The following ALDH3A1 variants were observed in gnomAD, a reference collection of about 807,000 sequenced individuals.
ALDH3A1 encodes the protein aldehyde dehydrogenase, dimeric NADP-preferring.
A neutral mutation model predicts 49.9 loss-of-function variants in ALDH3A1; 46 were observed. The observed-to-expected ratio is 0.92, with a 90% confidence interval of 0.73 to 1.18. The LOEUF is 1.18. Ranked by LOEUF, ALDH3A1 falls within the 50% of genes most tolerant of loss-of-function variation. ALDH3A1 has a pLI of 0.00. For missense variants in ALDH3A1, 592 were observed against 611.8 expected, an observed-to-expected ratio of 0.97 and a Z score of 0.34; for synonymous variants, 269 against 253.3, an observed-to-expected ratio of 1.06 and a Z score of -0.59.
intron 1 of ALDH3A1, 66 bp from the exon 2 acceptor site, chr17:19,745,200 G>T: frequency 3.4e-6 from 5 of 1,462,524 alleles, no homozygotes; most frequent in Non-Finnish European, 1.8e-6. Context: ...CACCCTGCCT[G>T]AATTCTATAG....
At position 19,743,875 on chromosome 17, in the gene ALDH3A1, G is replaced by A; in HGVS notation, c.163-412C>T. 2.0e-6 allele frequency: 2 copies of A among 985,064 alleles called. No homozygotes were observed. The highest frequency in any genetic ancestry group is 2.4e-6 in the Non-Finnish European group (2 of 829,820). 61.0% of individuals were successfully genotyped at this position (985,064 alleles called of 1,614,324 possible). ...GGAGCTGGATCCGGGCAGGGTGGAG[G>A]GAGCCAGGCCCTTTAGTTGTCTGGA... is the stretch of plus-strand genomic sequence containing the variant. On this transcript the variant is annotated intron_variant, in intron 2 of 10. Coordinates refer to ENST00000225740, the MANE Select transcript of ALDH3A1 (RefSeq NM_000691.5). The surrounding 1 kb of genome is among the most constrained non-coding windows in gnomAD (Gnocchi z 4.4).
rs777811199 is a variant in ALDH3A1 at position 19,743,145 on chromosome 17, T to C, written c.394+87A>G. Reference sequence around the variant, plus strand: ...GCAAACCCTTATCTGACCCCAGGACTCTTAACACAGGCCTGAGCCCATCCT... The same window carrying C: ...GCAAACCCTTATCTGACCCCAGGACCCTTAACACAGGCCTGAGCCCATCCT... On this transcript the variant is annotated intron_variant, in intron 3 of 10. Transcript: ENST00000225740. The surrounding 1 kb of genome is among the most constrained non-coding windows in gnomAD (Gnocchi z 4.4). 1.6e-5 allele frequency: 25 copies of C among 1,569,556 alleles called. No homozygotes were observed. In the African/African-American group the frequency reaches 2.8e-4, roughly 18 times the overall value.
In ALDH3A1 at chr17:19,743,260, G is replaced by T; in HGVS notation, c.366C>A (p.Ile122=). The change falls in exon 3 of 11, where the codon ATC becomes ATA. Residue 122 remains isoleucine, a synonymous_variant. Coordinates refer to ENST00000225740, the MANE Select transcript of ALDH3A1 (RefSeq NM_000691.5). This position sits in a 1 kb window ranked among gnomAD's most constrained non-coding sequence, Gnocchi z 4.4. ...GTWNYPFNLT[I]QPMVGAIAAG... ...CAGCGATGGCGCCCACCATGGGCTG[G>T]ATGGTGAGGTTGAAGGGGTAGTTCC... is the stretch of plus-strand genomic sequence containing the variant. 6.2e-7 allele frequency: 1 copy of T among 1,613,978 alleles called. No individual in the cohort carries two copies. The highest frequency in any genetic ancestry group is 1.3e-5 in the African/African-American group (1 of 75,058).
intron 2 of ALDH3A1, chr17:19,744,528 G>A (rs2086561994): frequency 2.0e-6 from 2 of 985,360 alleles, no homozygotes; most frequent in South Asian, 9.4e-5. Flanking sequence ...TGCGAATGCA[G>A]AGGTGTCTGG....
At chr17:19,746,632 T>C (rs575714241) in intron 1 of ALDH3A1, among the ~76,000 whole-genome samples, 174 of 143,734 alleles carry the variant, frequency 1.2e-3, no homozygotes, top group African/African-American at 4.6e-3. Flanking sequence ...TGCGTGTGTG[T>C]GTGTGCGTGT....
chr17:19,743,919 G>C lies in ALDH3A1; in HGVS notation c.163-456C>G. 1.0e-6 allele frequency: 1 copy of C among 985,298 alleles called. No individual in the cohort carries two copies. Among genetic ancestry groups the C allele is most frequent in the African/African-American group, 1.7e-5 (1 of 57,302 alleles). 61.0% of individuals were successfully genotyped at this position (985,298 alleles called of 1,614,324 possible). On this transcript the variant is annotated intron_variant, in intron 2 of 10. Transcript: ENST00000225740. This position sits in a 1 kb window ranked among gnomAD's most constrained non-coding sequence, Gnocchi z 4.4. Reference sequence around the variant, plus strand: ...GTCTGGAGGGGGATGCAGGACCAAGGGCTGCTGGGCGCTCAGGGCCTCCTG... The same window carrying C: ...GTCTGGAGGGGGATGCAGGACCAAGCGCTGCTGGGCGCTCAGGGCCTCCTG...
intron 1 of ALDH3A1, chr17:19,745,361 G>A (rs570805569): frequency 3.9e-6 from 2 of 509,158 alleles, no homozygotes; most frequent in East Asian, 3.5e-5. Flanking sequence ...GCCGCAACCC[G>A]AGTCCTAAGC....
intron 1 of ALDH3A1, among the ~76,000 whole-genome samples, chr17:19,746,677 GCA>G (rs1341553131): frequency 2.7e-4 from 40 of 147,098 alleles, no homozygotes; most frequent in African/African-American, 1.0e-3. Context: ...GCGTGTGTGT[GCA>G]TGTGCGTGTG....
intron 8 of ALDH3A1, 69 bp from the exon 9 acceptor site, chr17:19,739,164 T>A: frequency 7.2e-7 from 1 of 1,383,972 alleles, no homozygotes; most frequent in Non-Finnish European, 1.0e-6. Context: ...AACCCGACCC[T>A]GCCTGGGTAT....
intron 5 of ALDH3A1, 48 bp downstream of exon 5, chr17:19,741,956 G>A (rs2086499696): frequency 1.3e-6 from 2 of 1,576,770 alleles, no homozygotes; most frequent in Non-Finnish European, 1.7e-6. Flanking sequence ...ATGTGTGCTT[G>A]GAAAGCAGAG....
Position 19,738,943 on chromosome 17 carries a change from T to C in ALDH3A1, c.1216+53A>G, listed in dbSNP as rs951255101. On this transcript the variant is annotated intron_variant, in intron 9 of 10. Transcript: ENST00000225740. ...GTCCCTCCTGAATTTGCTGGGTGAG[T>C]GTGCCCAGCCCTGGGGCCCAGAGGG... is the stretch of plus-strand genomic sequence containing the variant. The C allele has an allele frequency of 5.3e-6, 8 of 1,512,008 alleles. No individual in the cohort carries two copies. The African/African-American group carries it at 1.1e-4, about 21-fold the overall frequency. 93.7% of individuals were successfully genotyped at this position (1,512,008 alleles called of 1,614,324 possible). A position where few individuals can be genotyped will look rare whatever the true frequency, so the allele number is the denominator to read the frequency against.
chr17:19,738,227 C>G lies in ALDH3A1; in HGVS notation c.1356G>C (p.Gln452His). The change falls in exon 11 of 11, where the codon CAG becomes CAC. Residue 452 changes from glutamine to histidine, a missense_variant. Coordinates refer to ENST00000225740, the MANE Select transcript of ALDH3A1 (RefSeq NM_000691.5). ...CAGGCGGAGCAACCCCTCCTCAGTG[C>G]TGGGTCATCTGTGAAAGGGACACGG... ...RYPPSPAKMT[Q>H]H The G allele has an allele frequency of 6.2e-7, 1 of 1,614,048 alleles. No individual in the cohort carries two copies. The highest frequency in any genetic ancestry group is 8.5e-7 in the Non-Finnish European group (1 of 1,180,018).
chr17:19,739,171 G>T (rs1425144795), intron 8 of ALDH3A1, 76 bp from the exon 9 acceptor site: 6 of 1,333,078 alleles, frequency 4.5e-6, no homozygotes, highest in Non-Finnish European at 1.0e-6. Context: ...CCCTGCCTGG[G>T]TATAGCCTGG....
In ALDH3A1 at chr17:19,745,001, C is replaced by T; in HGVS notation, c.129G>A (p.Glu43=). ...GGTCTGCGGCCAGCGCGCCCACCAG[C>T]TCCTGCTCCTGCTCCTGGATCAGGC... ...LQRLIQEQEQ[E]LVGALAADLH... is the part of the protein sequence containing the mutation. The change falls in exon 2 of 11, where the codon GAG becomes GAA. Residue 43 remains glutamate (E), a synonymous_variant. Transcript: ENST00000225740. The T allele has an allele frequency of 6.3e-7, 1 of 1,589,574 alleles. No individual in the cohort carries two copies. Among genetic ancestry groups the T allele is most frequent in the East Asian group, 2.3e-5 (1 of 44,162 alleles).
chr17:19,745,660 G>C (rs925789185), intron 1 of ALDH3A1: 7 of 152,534 alleles, frequency 4.6e-5, no homozygotes, highest in Middle Eastern at 3.4e-3. Context: ...TAAACCACGC[G>C]TGCCACACCT....
At position 19,742,139 on chromosome 17, in the gene ALDH3A1, AGGATAT is replaced by A; in HGVS notation, c.548_553del (p.His183_Ile184del). 1 of 1,614,094 alleles carries A rather than the reference AGGATAT, an allele frequency of 6.2e-7. No individual in the cohort carries two copies. Among genetic ancestry groups the A allele is most frequent in the Non-Finnish European group, 8.5e-7 (1 of 1,180,020 alleles). On this transcript the variant is annotated inframe_deletion, in exon 5 of 11. Transcript: ENST00000225740. ...CCCCACCCCCGTGCTGCCCGTGTAC[AGGATAT>A]GGTCGAACCTCTCCTTGAGCAGCTC...
chr17:19,741,730 C>A (rs746795746), intron 5 of ALDH3A1, among the ~76,000 whole-genome samples: 4 of 152,144 alleles, frequency 2.6e-5, no homozygotes, highest in African/African-American at 7.2e-5. Flanking sequence ...TCTGCAGCCT[C>A]TGCTTGGAGT....
intron 1 of ALDH3A1, 46 bp from the exon 2 acceptor site, chr17:19,745,180 C>T (rs2086579729): frequency 6.6e-6 from 10 of 1,516,738 alleles, no homozygotes; most frequent in Non-Finnish European, 8.8e-6. Flanking sequence ...CACGAGCGCG[C>T]CCTGCCTCCC....
rs566703357 is a variant in ALDH3A1, at chr17:19,739,204, G to A, written c.1117-109C>T. The A allele has an allele frequency of 8.3e-5, 85 of 1,021,812 alleles. No individual in the cohort carries two copies. In the South Asian group the frequency reaches 1.2e-3, roughly 14 times the overall value. 63.3% of individuals were successfully genotyped at this position (1,021,812 alleles called of 1,614,324 possible). On this transcript the variant is annotated intron_variant, in intron 8 of 10. Transcript: ENST00000225740. ...TGGAGCCACAAGGACAGGAGCAGGTGGAGGCAGAGCCTTAGCCTCCATCTC... is the reference window on the plus strand; with the variant it reads ...TGGAGCCACAAGGACAGGAGCAGGTAGAGGCAGAGCCTTAGCCTCCATCTC...
Sources: allele counts gnomAD v4.1 joint callset (sites outside exome capture counted in the v4.1 genomes callset), GRCh38; gene constraint gnomAD v4.1.1; non-coding constraint Gnocchi (gnomAD v3.1); transcripts MANE v1.5; gene names NCBI Gene and HGNC (gene_info 2026-07-23, HGNC 2026-07-21).